The following EEF1AKMT1 variants were observed in gnomAD, a reference collection of about 807,000 sequenced individuals.
EEF1AKMT1 encodes the protein EEF1A lysine methyltransferase 1.
A neutral mutation model predicts 21.0 loss-of-function variants in EEF1AKMT1; 18 were observed. That is an observed-to-expected ratio of 0.86 (90% CI 0.59 to 1.27). The LOEUF (loss-of-function observed/expected upper bound fraction) is 1.27, where lower values mean the gene tolerates loss of function less well. Among genes scored for constraint, EEF1AKMT1 ranks in the 50% most tolerant of loss-of-function variants. EEF1AKMT1 has a pLI of 0.00. For synonymous variants in EEF1AKMT1, 109 were observed against 94.8 expected (o/e 1.15, Z -0.87); for missense variants, 246 against 258.6 (o/e 0.95, Z 0.33).
intron 3 of EEF1AKMT1, among the ~76,000 whole-genome samples, chr13:20,735,514 G>A (rs569271541): frequency 6.6e-6 from 1 of 152,250 alleles, no homozygotes; most frequent in South Asian, 2.1e-4. Context: ...ATGCCCACTA[G>A]ATGTATAACT....
intron 2 of EEF1AKMT1, among the ~76,000 whole-genome samples, chr13:20,744,292 C>T (rs113223216): frequency 8.5e-5 from 13 of 152,320 alleles, no homozygotes; most frequent in African/African-American, 2.2e-4. Context: ...CTAATTTACA[C>T]TCCCACCAAC....
intron 3 of EEF1AKMT1, among the ~76,000 whole-genome samples, chr13:20,733,068 G>A (rs1039663571): frequency 4.6e-5 from 7 of 150,622 alleles, no homozygotes; most frequent in African/African-American, 1.2e-4. Context: ...ACCTAAATAC[G>A]GAATTATTGA....
intron 2 of EEF1AKMT1, among the ~76,000 whole-genome samples, chr13:20,753,109 G>A (rs1226268609): frequency 2.0e-5 from 3 of 152,004 alleles, no homozygotes; most frequent in African/African-American, 7.2e-5. Context: ...TGTTTTTGCT[G>A]TATTCCATAG....
intron 2 of EEF1AKMT1, among the ~76,000 whole-genome samples, chr13:20,755,439 A>T (rs915397265): frequency 9.9e-5 from 15 of 152,228 alleles, no homozygotes; most frequent in Admixed American, 1.3e-4. Flanking sequence ...TCATGGGCCA[A>T]AAGGGCTCTT....
chr13:20,755,031 G>A (rs928013608), intron 2 of EEF1AKMT1, among the ~76,000 whole-genome samples: 4 of 152,228 alleles, frequency 2.6e-5, no homozygotes, highest in African/African-American at 9.6e-5. Flanking sequence ...TCTTAGGGAG[G>A]GTGGTGTGGC....
chr13:20,760,104 C>CAAAAA (rs56891551), intron 1 of EEF1AKMT1, among the ~76,000 whole-genome samples: 1,859 of 55,438 alleles, frequency 0.034, 104 homozygotes, highest in South Asian at 0.049. Flanking sequence ...GACTCTGTCT[C>CAAAAA]AAAAAAAAAA....
chr13:20,757,318 C>T, intron 2 of EEF1AKMT1, 137 bp downstream of exon 2: 1 of 937,430 alleles, frequency 1.1e-6, no homozygotes, highest in Non-Finnish European at 1.6e-6. Context: ...TGTCTTAGCT[C>T]CCCATAGAGA....
intron 2 of EEF1AKMT1, among the ~76,000 whole-genome samples, chr13:20,739,338 A>C (rs1304170863): frequency 6.6e-6 from 1 of 152,082 alleles, no homozygotes; most frequent in African/African-American, 2.4e-5. Flanking sequence ...ATGGAAGGCA[A>C]CCCAAGAGGG....
intron 1 of EEF1AKMT1, among the ~76,000 whole-genome samples, chr13:20,766,018 G>A (rs1342196250): frequency 6.6e-6 from 1 of 151,886 alleles, no homozygotes; most frequent in African/African-American, 2.4e-5. Flanking sequence ...ATGCAATAGA[G>A]GCTGGGCGTG....
At chr13:20,739,315 A>C (rs987855041) in intron 2 of EEF1AKMT1, among the ~76,000 whole-genome samples, 16 of 152,324 alleles carry the variant, frequency 1.1e-4, no homozygotes, top group Middle Eastern at 3.4e-3. Flanking sequence ...CAAAAGAACA[A>C]ACCTTCCACA....
At position 20,732,053 on chromosome 13, in the gene EEF1AKMT1, A is replaced by C; in HGVS notation, c.296T>G (p.Ile99Arg). 1.2e-6 allele frequency: 2 copies of C among 1,614,214 alleles called. No individual in the cohort carries two copies. The highest frequency in any genetic ancestry group is 4.5e-5 in the East Asian group (2 of 44,886). The change falls in exon 4 of 5, where the codon ATA becomes AGA. Residue 99 changes from isoleucine to arginine, a missense_variant. Physicochemically the swap from Ile to Arg is moderately conservative, Grantham distance 97 (BLOSUM62 -3). Transcript: ENST00000382758. ...LRELCRENFS[I>R]YIFEYDKRFA... The stretch of plus-strand genomic sequence containing the variant: ...TCTTTTGTCATATTCAAAGATGTAT[A>C]TCGAAAAGTTTTCTCTGCACAGCTC...
intron 2 of EEF1AKMT1, among the ~76,000 whole-genome samples, chr13:20,739,281 A>C (rs965257195): frequency 1.3e-5 from 2 of 152,196 alleles, no homozygotes; most frequent in African/African-American, 4.8e-5. Context: ...AACAGTGAGC[A>C]GCAGTAACAT....
At chr13:20,739,505 G>C (rs2058857154) in intron 2 of EEF1AKMT1, among the ~76,000 whole-genome samples, 1 of 152,130 alleles carries the variant, frequency 6.6e-6, no homozygotes, top group Admixed American at 6.5e-5. Flanking sequence ...TTTTGACAGG[G>C]TGCTGATTGG....
At chr13:20,751,597 C>T (rs1280726503) in intron 2 of EEF1AKMT1, among the ~76,000 whole-genome samples, 1 of 152,012 alleles carries the variant, frequency 6.6e-6, no homozygotes, top group Admixed American at 6.5e-5. Context: ...AGTGTGATGC[C>T]TCCACCCTTG....
intron 2 of EEF1AKMT1, among the ~76,000 whole-genome samples, chr13:20,752,180 T>C (rs530884793): frequency 6.6e-6 from 1 of 152,300 alleles, no homozygotes; most frequent in East Asian, 1.9e-4. Context: ...CTTCCAGTAC[T>C]ATGTTAAATA....
At chr13:20,773,093 G>A (rs79181927) in intron 1 of EEF1AKMT1, among the ~76,000 whole-genome samples, 320 of 152,214 alleles carry the variant, frequency 2.1e-3, no homozygotes, top group Non-Finnish European at 3.1e-3. Flanking sequence ...TTTTCATTCT[G>A]TTTTCATCTT....
At chr13:20,768,702 G>A (rs914997127) in intron 1 of EEF1AKMT1, among the ~76,000 whole-genome samples, 7 of 152,022 alleles carry the variant, frequency 4.6e-5, no homozygotes, top group African/African-American at 1.7e-4. Flanking sequence ...ATCTTTTGAA[G>A]GGTCTACTGG....
At chr13:20,740,013 G>A (rs556037971) in intron 2 of EEF1AKMT1, among the ~76,000 whole-genome samples, 2 of 152,368 alleles carry the variant, frequency 1.3e-5, no homozygotes, top group East Asian at 1.9e-4. Context: ...CAGGCTGCGC[G>A]GGAGCCCATG....
chr13:20,732,327 T>G (rs2058802424), intron 3 of EEF1AKMT1, among the ~76,000 whole-genome samples: 1 of 152,202 alleles, frequency 6.6e-6, no homozygotes, highest in South Asian at 2.1e-4. Context: ...GTCTGTAACT[T>G]ATAATTTTTT....
Sources: gnomAD v4.1 joint callset for allele counts (sites outside exome capture counted in the v4.1 genomes callset) on GRCh38, gnomAD v4.1.1 for gene constraint, MANE v1.5 for transcripts, NCBI Gene and HGNC (gene_info 2026-07-23, HGNC 2026-07-21) for gene names.